The following ARHGAP26 variants were observed in gnomAD, a reference collection of about 807,000 sequenced individuals.
ARHGAP26 encodes the protein rho GTPase-activating protein 26.
ARHGAP26 carries 38 observed loss-of-function variants against 104.8 expected under a neutral mutation model. The observed-to-expected ratio is 0.36, with a 90% CI of 0.28 to 0.48. The LOEUF is 0.48. Among genes scored for constraint, ARHGAP26 ranks in the 20% least tolerant of loss-of-function variants. The pLI is 0.99. For synonymous variants in ARHGAP26, 341 were observed against 340.0 expected (o/e 1.00, Z -0.03); for missense variants, 704 against 947.9 (o/e 0.74, Z 3.38).
intron 17 of ARHGAP26, among the ~76,000 whole-genome samples, chr5:143,110,390 T>G (rs915252125): frequency 2.6e-5 from 4 of 152,222 alleles, no homozygotes; most frequent in African/African-American, 9.6e-5. Flanking sequence ...GTTTTGGCCT[T>G]TGTGCTGGGT....
At chr5:142,796,363 C>G (rs1760995638) in intron 1 of ARHGAP26, among the ~76,000 whole-genome samples, 1 of 152,156 alleles carries the variant, frequency 6.6e-6, no homozygotes, top group African/African-American at 2.4e-5. Context: ...CCGTAGTTCT[C>G]TTATCTTTAA....
At chr5:143,153,236 T>C (rs1434063121) in intron 20 of ARHGAP26, among the ~76,000 whole-genome samples, 1 of 152,136 alleles carries the variant, frequency 6.6e-6, no homozygotes, top group African/African-American at 2.4e-5. Flanking sequence ...GAAAGGTGGC[T>C]CAAATATTGG....
intron 11 of ARHGAP26, among the ~76,000 whole-genome samples, chr5:142,960,135 A>G (rs1346390728): frequency 6.6e-6 from 1 of 152,266 alleles, no homozygotes; most frequent in Non-Finnish European, 1.5e-5. Flanking sequence ...TGATACAGCA[A>G]GAAGTGTTTG....
intron 1 of ARHGAP26, among the ~76,000 whole-genome samples, chr5:142,857,837 C>A (rs1468564624): frequency 1.3e-5 from 2 of 152,056 alleles, no homozygotes; most frequent in Non-Finnish European, 2.9e-5. Flanking sequence ...TAAATATTAC[C>A]TGCAGTGTCT....
intron 1 of ARHGAP26, among the ~76,000 whole-genome samples, chr5:142,792,837 T>G (rs1343788511): frequency 2.6e-5 from 4 of 152,242 alleles, no homozygotes; most frequent in Non-Finnish European, 5.9e-5. Context: ...TCTACTATCT[T>G]AATAAATAGT....
intron 1 of ARHGAP26, among the ~76,000 whole-genome samples, chr5:142,779,496 A>G (rs575389896): frequency 6.6e-6 from 1 of 152,268 alleles, no homozygotes; most frequent in South Asian, 2.1e-4. Flanking sequence ...ATTCCACACC[A>G]AACTGTTAAC....
At chr5:142,771,111 C>G (rs1755098789) in intron 1 of ARHGAP26, 196 bp downstream of exon 1, 1 of 1,317,122 alleles carries the variant, frequency 7.6e-7, no homozygotes. Context: ...AGAGACCCGT[C>G]GCTCCGCCTT....
rs1287521279 is a variant in ARHGAP26, at chr5:142,940,430, C to G, written c.1107+8305C>G. On this transcript the variant is annotated intron_variant, in intron 11 of 22. Transcript: ENST00000645722. ...TTATTTTGTCACCCAGGTACTAAGC[C>G]TAGTACCCAATAATTACTTTTCCTG... Among the ~76,000 whole-genome samples the G allele has an allele frequency of 3.9e-5, 6 of 152,044 alleles. No homozygotes were observed. The South Asian group carries it at 1.2e-3, about 32-fold the overall frequency.
chr5:142,996,298 C>T (rs1335972026), intron 11 of ARHGAP26, among the ~76,000 whole-genome samples: 1 of 152,114 alleles, frequency 6.6e-6, no homozygotes, highest in Non-Finnish European at 1.5e-5. Context: ...TGAGACCAGC[C>T]TGATTAACAT....
intron 17 of ARHGAP26, among the ~76,000 whole-genome samples, chr5:143,084,220 T>C (rs1271351814): frequency 6.6e-6 from 1 of 152,230 alleles, no homozygotes; most frequent in Non-Finnish European, 1.5e-5. Context: ...TCCCTGCCAT[T>C]AAAACTTAAT....
intron 21 of ARHGAP26, among the ~76,000 whole-genome samples, chr5:143,210,287 G>A (rs1230788473): frequency 6.6e-6 from 1 of 152,040 alleles, no homozygotes; most frequent in African/African-American, 2.4e-5. Context: ...GGAAACTCCC[G>A]TTTTTTAAAA....
rs1811390034 is a variant in ARHGAP26, at chr5:143,223,050, A to ATGACAT, written c.*605_*606insGACATT. 1 of 233,320 alleles carries ATGACAT rather than the reference A, an allele frequency of 4.3e-6. No individual in the cohort carries two copies. Among genetic ancestry groups the ATGACAT allele is most frequent in the Non-Finnish European group, 8.5e-6 (1 of 117,908 alleles). The allele number at this position is 233,320 out of a possible 1,614,324, so 14.5% of individuals were successfully genotyped here. A position where few individuals can be genotyped will look rare whatever the true frequency, so the allele number is the denominator to read the frequency against. ...CAGCCGTTGGCCTGTCATCAGTGAG[A>ATGACAT]TACAATCCAGTCTTCTCATGCACGG... On this transcript the variant is annotated 3_prime_UTR_variant, in exon 23 of 23. Coordinates refer to ENST00000645722, the MANE Select transcript of ARHGAP26 (RefSeq NM_001135608.3).
Position 143,213,895 on chromosome 5 carries a change from G to A in ARHGAP26, c.2100-102G>A, listed in dbSNP as rs143837873. The stretch of plus-strand genomic sequence containing the variant: ...CTTGCCAGGCACTTCCCACGAGAGG[G>A]GACTAGGTAGCTTACAGGGAAAGGG... On this transcript the variant is annotated intron_variant, in intron 21 of 22. Transcript: ENST00000645722. The A allele has an allele frequency of 4.1e-3, 2,917 of 707,566 alleles. 12 individuals are homozygous for A. The highest frequency in any genetic ancestry group is 5.4e-3 in the Non-Finnish European group (2,305 of 427,260). 43.8% of individuals were successfully genotyped at this position (707,566 alleles called of 1,614,324 possible). A position where few individuals can be genotyped will look rare whatever the true frequency, so the allele number is the denominator to read the frequency against.
At chr5:142,782,237 G>A (rs1247359861) in intron 1 of ARHGAP26, among the ~76,000 whole-genome samples, 1 of 152,158 alleles carries the variant, frequency 6.6e-6, no homozygotes, top group Admixed American at 6.5e-5. Context: ...GTTCCTGCAG[G>A]GCATGCAGGT....
At chr5:143,051,042 T>G (rs910786023) in intron 14 of ARHGAP26, among the ~76,000 whole-genome samples, 3 of 152,224 alleles carry the variant, frequency 2.0e-5, no homozygotes, top group Non-Finnish European at 4.4e-5. Flanking sequence ...CAGTTGCCTC[T>G]ACCTTTTCAT....
intron 17 of ARHGAP26, among the ~76,000 whole-genome samples, chr5:143,115,171 A>G (rs111480881): frequency 2.6e-4 from 39 of 152,200 alleles, no homozygotes; most frequent in Non-Finnish European, 2.9e-5. Flanking sequence ...CGTCTCTGCT[A>G]AAAATACAAA....
At chr5:142,862,359 A>G (rs866286713) in intron 1 of ARHGAP26, among the ~76,000 whole-genome samples, 1 of 152,256 alleles carries the variant, frequency 6.6e-6, no homozygotes. Flanking sequence ...AAAGATTTGC[A>G]TCCTGTGATG....
intron 11 of ARHGAP26, among the ~76,000 whole-genome samples, chr5:142,952,459 T>C (rs908636079): frequency 6.6e-6 from 1 of 152,078 alleles, no homozygotes; most frequent in African/African-American, 2.4e-5. Flanking sequence ...TCATTCCCCC[T>C]CAACATCCTA....
intron 1 of ARHGAP26, among the ~76,000 whole-genome samples, chr5:142,843,390 A>G (rs1771208377): frequency 6.6e-6 from 1 of 152,236 alleles, no homozygotes; most frequent in Non-Finnish European, 1.5e-5. Context: ...TGTAGGGTTC[A>G]TCCACATAAA....
Sources: gnomAD v4.1 joint callset for allele counts (sites outside exome capture counted in the v4.1 genomes callset) on GRCh38, gnomAD v4.1.1 for gene constraint, MANE v1.5 for transcripts, NCBI Gene and HGNC (gene_info 2026-07-23, HGNC 2026-07-21) for gene names.